FOCAD: variants seen among roughly 807,000 people sequenced by gnomAD.
FOCAD encodes the protein KIAA1797.
In FOCAD, 198 loss-of-function variants were observed where a neutral mutation model predicts 225.6. The ratio of observed to expected loss-of-function variants is 0.88; its 90% CI spans 0.78 to 0.99. The LOEUF is 0.99. FOCAD is among the 50% of genes least tolerant of loss of function. FOCAD has a pLI of 0.00. For synonymous variants in FOCAD, 897 were observed against 755.0 expected (o/e 1.19, Z -3.08); for missense variants, 2,713 against 2,123.6 (o/e 1.28, Z -5.46).
chr9:20,930,201 C>T (rs962891376), intron 27 of FOCAD, among the ~76,000 whole-genome samples: 2 of 151,362 alleles, frequency 1.3e-5, no homozygotes, highest in Admixed American at 6.6e-5. Flanking sequence ...TTTATTTACC[C>T]TTGAATGGAG....
At chr9:20,712,628 C>G (rs923672565) in intron 1 of FOCAD, among the ~76,000 whole-genome samples, 4 of 151,368 alleles carry the variant, frequency 2.6e-5, no homozygotes, top group African/African-American at 9.7e-5. Context: ...CCACTGCACT[C>G]CAGCCTGGGT....
At chr9:20,730,928 A>G (rs1826632623) in intron 4 of FOCAD, among the ~76,000 whole-genome samples, 1 of 152,162 alleles carries the variant, frequency 6.6e-6, no homozygotes, top group African/African-American at 2.4e-5. Flanking sequence ...AAAACCCATA[A>G]CAACAAAAAA....
At chr9:20,983,714 T>C (rs936593255) in intron 39 of FOCAD, among the ~76,000 whole-genome samples, 1 of 152,156 alleles carries the variant, frequency 6.6e-6, no homozygotes, top group Non-Finnish European at 1.5e-5. Flanking sequence ...GCTCTGCAAT[T>C]TGCTAGCAAT....
intron 25 of FOCAD, among the ~76,000 whole-genome samples, chr9:20,925,147 T>C (rs1834819849): frequency 6.6e-6 from 1 of 152,234 alleles, no homozygotes; most frequent in East Asian, 1.9e-4. Context: ...AATTTAATTT[T>C]AAACTTAGAA....
chr9:20,820,883 A>T, intron 13 of FOCAD, 58 bp from the exon 14 acceptor site: 1 of 1,580,146 alleles, frequency 6.3e-7, no homozygotes, highest in Non-Finnish European at 8.6e-7. Context: ...TAAAAGGAAG[A>T]TAATGATTAT....
At chr9:20,712,518 GCC>G (rs398068508) in intron 1 of FOCAD, among the ~76,000 whole-genome samples, 1 of 126,404 alleles carries the variant, frequency 7.9e-6, no homozygotes, top group Admixed American at 8.0e-5. Context: ...AATTAGCTGA[GCC>G]CAGTGGTGGT....
intron 27 of FOCAD, among the ~76,000 whole-genome samples, chr9:20,930,249 C>T (rs867257565): frequency 7.2e-5 from 11 of 152,078 alleles, no homozygotes; most frequent in African/African-American, 1.9e-4. Context: ...TCCACTAAAT[C>T]GGAAAGGTTT....
chr9:20,777,603 G>A (rs952205226), intron 8 of FOCAD, among the ~76,000 whole-genome samples: 8 of 151,424 alleles, frequency 5.3e-5, no homozygotes, highest in Admixed American at 2.0e-4. Flanking sequence ...AATGAATTAC[G>A]GTAATTCGAA....
intron 5 of FOCAD, among the ~76,000 whole-genome samples, chr9:20,746,110 G>C (rs1169657262): frequency 6.6e-6 from 1 of 152,204 alleles, no homozygotes; most frequent in African/African-American, 2.4e-5. Context: ...GATAAATACT[G>C]ATTTAAGTGC....
At chr9:20,707,749 C>T (rs186647334) in intron 1 of FOCAD, among the ~76,000 whole-genome samples, 5 of 152,080 alleles carry the variant, frequency 3.3e-5, no homozygotes, top group African/African-American at 9.7e-5. Flanking sequence ...AGAAAAGCCA[C>T]GTATAAGTGG....
intron 6 of FOCAD, among the ~76,000 whole-genome samples, chr9:20,758,649 AATGATGATTTCCAGT>A (rs964591125): frequency 1.3e-5 from 2 of 151,916 alleles, no homozygotes; most frequent in Non-Finnish European, 2.9e-5. Flanking sequence ...GTTTACTGAG[AATGATGATTTCCAGT>A]TACATTCATG....
At chr9:20,920,051 T>A (rs1187073925) in intron 24 of FOCAD, among the ~76,000 whole-genome samples, 1 of 151,916 alleles carries the variant, frequency 6.6e-6, no homozygotes, top group Non-Finnish European at 1.5e-5. Context: ...GAAAATTTTC[T>A]CAACCTACTC....
Position 20,693,707 on chromosome 9 carries a change from T to TTTAG in FOCAD, c.-33+9417_-33+9418insGTTA, listed in dbSNP as rs1167775772. On this transcript the variant is annotated intron_variant, in intron 1 of 43. Coordinates refer to ENST00000338382, the MANE Select transcript of FOCAD (RefSeq NM_001375567.1). ...TTTGCAAGTACTTTTGCAATCACTA[T>TTTAG]TTATTTATTTATTTATTTATTTAGA... 3.1e-5 allele frequency among the ~76,000 whole-genome samples: 3 copies of TTTAG among 97,076 alleles called. No individual in the cohort carries two copies. In the East Asian group the frequency reaches 8.4e-4, roughly 27 times the overall value. 63.7% of individuals were successfully genotyped at this position (97,076 alleles called of 152,430 possible). A position where few individuals can be genotyped will look rare whatever the true frequency, so the allele number is the denominator to read the frequency against.
chr9:20,953,349 C>T (rs1267727053), intron 35 of FOCAD, among the ~76,000 whole-genome samples: 2 of 152,180 alleles, frequency 1.3e-5, no homozygotes, highest in African/African-American at 2.4e-5. Context: ...AGTATAAGCA[C>T]AGATTACTTT....
intron 5 of FOCAD, among the ~76,000 whole-genome samples, chr9:20,757,135 G>A (rs548551308): frequency 6.6e-6 from 1 of 152,254 alleles, no homozygotes. Context: ...CTCCATGTTG[G>A]TCAGGCTGGT....
Position 20,866,917 on chromosome 9 carries a change from T to TTTTTTAA in FOCAD, c.2107-12_2107-11insTTTTTAA. Reference sequence around the variant, plus strand: ...TTTTTTTTTTTTTTTTTTTTTTTTTTACCCTATCTAGGACCCAATTGTAGC... The same window carrying TTTTTTAA: ...TTTTTTTTTTTTTTTTTTTTTTTTTTTTTTTAAACCCTATCTAGGACCCAATTGTAGC... On this transcript the variant is annotated splice_polypyrimidine_tract_variant and intron_variant, in intron 17 of 43. Coordinates refer to ENST00000338382, the MANE Select transcript of FOCAD (RefSeq NM_001375567.1). 7 of 764,972 alleles carry TTTTTTAA rather than the reference T, an allele frequency of 9.2e-6. No homozygotes were observed. The highest frequency in any genetic ancestry group is 1.8e-5 in the South Asian group (1 of 54,450). The allele number at this position is 764,972 out of a possible 1,614,324, so 47.4% of individuals were successfully genotyped here.
chr9:20,875,036 A>G, intron 19 of FOCAD: 1 of 491,970 alleles, frequency 2.0e-6, no homozygotes, highest in Non-Finnish European at 3.5e-6. Flanking sequence ...AAACTAGTGT[A>G]AACAATTGTG....
chr9:20,981,251 A>G (rs940752761), intron 37 of FOCAD, among the ~76,000 whole-genome samples, 175 bp from the exon 38 acceptor site: 2 of 152,200 alleles, frequency 1.3e-5, no homozygotes, highest in African/African-American at 4.8e-5. Flanking sequence ...AGCCAAAATT[A>G]CATGCATTGG....
intron 1 of FOCAD, among the ~76,000 whole-genome samples, chr9:20,706,825 C>T (rs530318303): frequency 2.4e-4 from 36 of 152,212 alleles, no homozygotes; most frequent in Admixed American, 1.0e-3. Context: ...GGTATGTAGC[C>T]GTGCAGCAAG....
Sources: gnomAD v4.1 joint callset for allele counts (sites outside exome capture counted in the v4.1 genomes callset) on GRCh38, gnomAD v4.1.1 for gene constraint, MANE v1.5 for transcripts, NCBI Gene and HGNC (gene_info 2026-07-23, HGNC 2026-07-21) for gene names.